Variants in ABCA5 observed in about 807,000 individuals in gnomAD.
The protein encoded by ABCA5 is cholesterol transporter ABCA5.
Under a neutral mutation model 206.0 loss-of-function variants are expected in ABCA5, and 163 were observed. The observed-to-expected ratio is 0.79, with a 90% CI of 0.70 to 0.90. The LOEUF (loss-of-function observed/expected upper bound fraction) is 0.90, where lower values mean the gene tolerates loss of function less well. Ranked by LOEUF, ABCA5 falls within the 40% of genes least tolerant of loss-of-function variation. The pLI is 0.00. For synonymous variants in ABCA5, 609 were observed against 613.8 expected, an observed-to-expected ratio of 0.99 and a Z score of 0.11; for missense variants, 1,859 against 1,912.9, an observed-to-expected ratio of 0.97 and a Z score of 0.53.
intron 5 of ABCA5, among the ~76,000 whole-genome samples, chr17:69,307,879 TATTTTGTAGCATAGTAA>T (rs1197467956): frequency 1.3e-5 from 2 of 152,112 alleles, no homozygotes; most frequent in African/African-American, 4.8e-5. Flanking sequence ...GAAATTACAA[TATTTTGTAGCATAGTAA>T]ATTTTGTAGC....
chr17:69,314,585 G>A (rs1056074594), intron 1 of ABCA5, 155 bp from the exon 2 acceptor site: 2 of 525,892 alleles, frequency 3.8e-6, no homozygotes, highest in South Asian at 2.9e-5. Flanking sequence ...AGAATGCATG[G>A]AGCAGCAATC....
At chr17:69,279,970 T>C (rs879784338) in intron 18 of ABCA5, among the ~76,000 whole-genome samples, 2 of 152,178 alleles carry the variant, frequency 1.3e-5, no homozygotes, top group Non-Finnish European at 2.9e-5. Context: ...GACATAGGCA[T>C]GGGGAAGGAC....
intron 21 of ABCA5, 49 bp from the exon 22 acceptor site, chr17:69,270,799 T>C: frequency 2.1e-6 from 3 of 1,437,792 alleles, no homozygotes; most frequent in Non-Finnish European, 9.2e-7. Flanking sequence ...TAAGCGGATA[T>C]ATTATTGATA....
chr17:69,265,193 G>A (rs1306464448), intron 23 of ABCA5, among the ~76,000 whole-genome samples: 1 of 152,090 alleles, frequency 6.6e-6, no homozygotes, highest in East Asian at 1.9e-4. Flanking sequence ...AGGTGTCATG[G>A]CGGTTGGGGT....
rs1236459872 is a variant in ABCA5, at chr17:69,261,720, G to GATGGAAC, written c.3337_3343dup (p.Ser1115CysfsTer16). ...AGCAATATAAGTGAACAGAATAACT[G>GATGGAAC]ATGGAACATAACCAATAAGGCAAAA... On this transcript the variant is annotated frameshift_variant, in exon 25 of 39. Transcript: ENST00000392676. LOFTEE classifies it high-confidence loss of function. 6.7e-7 allele frequency: 1 copy of GATGGAAC among 1,491,144 alleles called. No homozygotes were observed. Among genetic ancestry groups the GATGGAAC allele is most frequent in the Non-Finnish European group, 9.0e-7 (1 of 1,116,662 alleles). 92.4% of individuals were successfully genotyped at this position (1,491,144 alleles called of 1,614,324 possible).
intron 28 of ABCA5, among the ~76,000 whole-genome samples, chr17:69,257,365 A>G (rs1021731259): frequency 5.3e-5 from 8 of 151,998 alleles, no homozygotes; most frequent in Non-Finnish European, 5.9e-5. Flanking sequence ...AAAAAAAAAA[A>G]AAAAAGAAAA....
rs1567758578 is a variant in ABCA5, at chr17:69,270,697, T to C, written c.2946A>G (p.Ile982Met). 5 of 1,601,082 alleles carry C rather than the reference T, an allele frequency of 3.1e-6. No individual in the cohort carries two copies. The highest frequency in any genetic ancestry group is 1.7e-4 in the Middle Eastern group (1 of 6,020). ...AGTAGTTACTAATGATATTCACTAA[T>C]ATAGGTAAAGAATAAACCATAGTAC... ...FNSTMVYSLP[I>M]LVNIISNYYL... The change falls in exon 22 of 39, where the codon ATA becomes ATG. Residue 982 changes from isoleucine to methionine, a missense_variant. Physicochemically the swap from Ile to Met is conservative, Grantham distance 10 (BLOSUM62 1). Transcript: ENST00000392676.
At chr17:69,295,747 C>G (rs1321300234) in intron 10 of ABCA5, among the ~76,000 whole-genome samples, 1 of 152,066 alleles carries the variant, frequency 6.6e-6, no homozygotes, top group Non-Finnish European at 1.5e-5. Flanking sequence ...AGACTAATAT[C>G]TATAAATATT....
chr17:69,253,645 A>G lies in ABCA5; in HGVS notation c.4343T>C (p.Leu1448Pro). 6.2e-7 allele frequency: 1 copy of G among 1,613,746 alleles called. No homozygotes were observed. The highest frequency in any genetic ancestry group is 8.5e-7 in the Non-Finnish European group (1 of 1,179,788). The change falls in exon 34 of 39, where the codon CTA becomes CCA. Residue 1448 changes from leucine to proline, a missense_variant. By Grantham distance (98) the Leu-to-Pro change is moderately conservative. Transcript: ENST00000392676. ...TAGCAAAGTAATCTGAGGATTCCCT[A>G]GCATACTTAGAGCAAAACACAACTA... The part of the protein sequence containing the change: ...KRKLCFALSM[L>P]GNPQITLLDE...
Position 69,286,232 on chromosome 17 carries a change from G to A in ABCA5, c.2121C>T (p.Gly707=). 1 of 1,602,876 alleles carries A rather than the reference G, an allele frequency of 6.2e-7. No individual in the cohort carries two copies. Among genetic ancestry groups the A allele is most frequent in the Non-Finnish European group, 8.5e-7 (1 of 1,177,110 alleles). The change falls in exon 16 of 39, where the codon GGC becomes GGT. Residue 707 remains glycine (G), a synonymous_variant. Coordinates refer to ENST00000392676, the MANE Select transcript of ABCA5 (RefSeq NM_172232.4). ...AAAATGAATGATACCTCAGGCGGTA[G>A]CCGATCCCCCATTTACTTTTGAGGA... ...SMFLKSKWGI[G]YRLSMYIDKY...
intron 1 of ABCA5, among the ~76,000 whole-genome samples, chr17:69,324,888 C>G (rs1454335576): frequency 6.6e-6 from 1 of 152,162 alleles, no homozygotes; most frequent in East Asian, 1.9e-4. Flanking sequence ...GAAACAAACT[C>G]CTGCCTAGCT....
intron 1 of ABCA5, among the ~76,000 whole-genome samples, chr17:69,323,738 C>T (rs1371945330): frequency 2.0e-5 from 3 of 152,122 alleles, no homozygotes; most frequent in Non-Finnish European, 4.4e-5. Context: ...TATCATCTTA[C>T]CACAGATTCC....
In ABCA5 at chr17:69,286,239, C is replaced by T. The variant is rs370037917; in HGVS notation, c.2114G>A (p.Gly705Glu). The change falls in exon 16 of 39, where the codon GGG (glycine) becomes GAG (glutamate). Residue 705 changes from glycine (G) to glutamate (E), a missense_variant. Coordinates refer to ENST00000392676, the MANE Select transcript of ABCA5 (RefSeq NM_172232.4). ...ATGATACCTCAGGCGGTAGCCGATC[C>T]CCCATTTACTTTTGAGGAACATTGA... The part of the protein sequence containing the change: ...GSSMFLKSKW[G>E]IGYRLSMYID... 6.2e-7 allele frequency: 1 copy of T among 1,600,188 alleles called. No homozygotes were observed. Among genetic ancestry groups the T allele is most frequent in the South Asian group, 1.1e-5 (1 of 87,916 alleles).
chr17:69,297,953 G>C (rs995145978), intron 9 of ABCA5, among the ~76,000 whole-genome samples: 1 of 152,194 alleles, frequency 6.6e-6, no homozygotes. Flanking sequence ...GGAAGGCAGA[G>C]GCTGGCATAT....
intron 9 of ABCA5, among the ~76,000 whole-genome samples, chr17:69,298,261 A>AAGGAAGGG (rs2075608423): frequency 7.5e-6 from 1 of 133,126 alleles, no homozygotes; most frequent in Admixed American, 7.4e-5. Flanking sequence ...GGAAGGAAGG[A>AAGGAAGGG]AGGAAGGAAG....
intron 3 of ABCA5, 43 bp downstream of exon 3, chr17:69,313,049 G>T: frequency 7.4e-7 from 1 of 1,347,830 alleles, no homozygotes; most frequent in South Asian, 1.6e-5. Flanking sequence ...ATATTGAAAA[G>T]GCTTAATATT....
Position 69,254,325 on chromosome 17 carries a change from C to T in ABCA5, c.4234G>A (p.Val1412Ile), listed in dbSNP as rs199641093. 151 of 1,604,358 alleles carry T rather than the reference C, an allele frequency of 9.4e-5. No homozygotes were observed. In the East Asian group the frequency reaches 3.4e-3, roughly 36 times the overall value. Residue 1412 changes from valine to isoleucine, a missense_variant, in exon 32 of 39, where the codon GTC becomes ATC. Physicochemically the swap from Val to Ile is conservative, Grantham distance 29. Transcript: ENST00000392676. The part of the protein sequence containing the change: ...KGMSASDMKE[V>I]ISRITHALDL... ...AGACAATTATTTTACCGACTTATGA[C>T]TTCTTTCATGTCACTTGCACTCATT...
chr17:69,294,109 T>G (rs1296858535), intron 11 of ABCA5, among the ~76,000 whole-genome samples: 2 of 152,174 alleles, frequency 1.3e-5, no homozygotes, highest in Admixed American at 6.5e-5. Context: ...AACAAGGACA[T>G]AGCCTTATTC....
chr17:69,304,525 T>G (rs2075696178), intron 7 of ABCA5, 144 bp downstream of exon 7: 2 of 649,536 alleles, frequency 3.1e-6, no homozygotes, highest in South Asian at 5.7e-5. Flanking sequence ...TGATGCCACA[T>G]CATTTATTTA....
Sources: gnomAD v4.1 joint callset for allele counts (sites outside exome capture counted in the v4.1 genomes callset) on GRCh38, gnomAD v4.1.1 for gene constraint, MANE v1.5 for transcripts, NCBI Gene and HGNC (gene_info 2026-07-23, HGNC 2026-07-21) for gene names.